The following NVL variants were observed in gnomAD, a reference collection of about 807,000 sequenced individuals.
The protein encoded by NVL is nuclear valosin-containing protein-like.
In NVL, 84 loss-of-function variants were observed where a neutral mutation model predicts 110.2. The observed-to-expected ratio is 0.76, with a 90% confidence interval of 0.64 to 0.91. NVL has a LOEUF of 0.91. Ranked by LOEUF, NVL falls within the 40% of genes least tolerant of loss-of-function variation. The pLI, the probability that NVL is intolerant of heterozygous loss-of-function variation, is 0.00. For synonymous variants in NVL, 354 were observed against 361.1 expected (o/e 0.98, Z 0.22); for missense variants, 882 against 1,035.9 (o/e 0.85, Z 2.04).
At chr1:224,293,746 A>T (rs1667599139) in intron 12 of NVL, among the ~76,000 whole-genome samples, 1 of 152,250 alleles carries the variant, frequency 6.6e-6, no homozygotes, top group Non-Finnish European at 1.5e-5. Flanking sequence ...GAGTATGGAT[A>T]CATAAGTCCA....
intron 2 of NVL, among the ~76,000 whole-genome samples, chr1:224,318,344 T>C (rs1317666267): frequency 1.3e-5 from 2 of 152,174 alleles, no homozygotes; most frequent in African/African-American, 4.8e-5. Flanking sequence ...GGCTCATGCC[T>C]GTAATCCCAG....
chr1:224,325,026 T>G (rs1281277661), intron 2 of NVL, among the ~76,000 whole-genome samples: 1 of 151,902 alleles, frequency 6.6e-6, no homozygotes, highest in African/African-American at 2.4e-5. Context: ...TTTGGGAGGC[T>G]GAGGTAGGCA....
chr1:224,281,277 C>CTGTGTG (rs774683945), intron 15 of NVL, 92 bp from the exon 16 acceptor site: 12,359 of 835,082 alleles, frequency 0.015, 164 homozygotes, highest in East Asian at 0.044. Flanking sequence ...TGAAAGGACT[C>CTGTGTG]TGTGTGCGTG....
At position 224,308,129 on chromosome 1, in the gene NVL, G is replaced by C. The variant is rs556339461; in HGVS notation, c.477C>G (p.Ser159=). The change falls in exon 6 of 23, where the codon TCC becomes TCG. Residue 159 remains serine, a synonymous_variant. Coordinates refer to ENST00000281701, the MANE Select transcript of NVL (RefSeq NM_002533.4). ...CTTTGGCAGGGGTCTTCAAGGGAAT[G>C]GAGCCTGTTTTGGAACTTATCCGTG... ...STPRISSKTG[S]IPLKTPAKDS... is the part of the protein sequence containing the mutation. 5.6e-6 allele frequency: 9 copies of C among 1,614,074 alleles called. No homozygotes were observed. The African/African-American group carries it at 8.0e-5, about 14-fold the overall frequency.
chr1:224,300,208 T>C (rs1241779812), intron 10 of NVL, among the ~76,000 whole-genome samples: 1 of 152,248 alleles, frequency 6.6e-6, no homozygotes, highest in Non-Finnish European at 1.5e-5. Flanking sequence ...TAACAATTTT[T>C]ACATTGCTTA....
At chr1:224,301,755 A>G (rs1228080796) in intron 9 of NVL, 1 of 237,566 alleles carries the variant, frequency 4.2e-6, no homozygotes, top group Non-Finnish European at 8.6e-6. Flanking sequence ...AGCTGTGATC[A>G]TGCCACTGCA....
intron 19 of NVL, among the ~76,000 whole-genome samples, chr1:224,243,849 A>T (rs963488669): frequency 2.6e-5 from 4 of 151,372 alleles, no homozygotes; most frequent in Non-Finnish European, 5.9e-5. Context: ...TTTAGTAGAG[A>T]CGGGATTTTG....
intron 9 of NVL, among the ~76,000 whole-genome samples, chr1:224,301,944 A>G (rs536364802): frequency 6.6e-6 from 1 of 152,040 alleles, no homozygotes; most frequent in Non-Finnish European, 1.5e-5. Context: ...ACCATTTTGC[A>G]CTTCTTCTTG....
chr1:224,277,307 A>T (rs1665869454), intron 16 of NVL, among the ~76,000 whole-genome samples: 1 of 152,232 alleles, frequency 6.6e-6, no homozygotes, highest in African/African-American at 2.4e-5. Context: ...TATAATAAAC[A>T]GTGTACAAAT....
At chr1:224,285,413 C>T (rs531565191) in intron 15 of NVL, among the ~76,000 whole-genome samples, 108 of 151,608 alleles carry the variant, frequency 7.1e-4, no homozygotes, top group African/African-American at 2.3e-3. Context: ...CCAGCCTGGG[C>T]GACAGAATGA....
intron 8 of NVL, among the ~76,000 whole-genome samples, chr1:224,304,356 C>T (rs1390841563): frequency 1.2e-4 from 18 of 151,954 alleles, no homozygotes; most frequent in African/African-American, 4.1e-4. Context: ...ACCTGGGAGG[C>T]GGAGGTTGCA....
rs1670234975 is a variant in NVL at position 224,317,762 on chromosome 1, A to C, written c.216T>G (p.Leu72=). The C allele has an allele frequency of 2.5e-6, 4 of 1,608,322 alleles. No individual in the cohort carries two copies. In the African/African-American group the frequency reaches 4.0e-5, roughly 16 times the overall value. Residue 72 remains leucine, a synonymous_variant, in exon 4 of 23, where the codon CTT becomes CTG. Transcript: ENST00000281701. ...CATCTTCTAATTCTGTTAAATTCTT[A>C]AGTTCCTTCTCACTACTAATTATGC... ...VFSIISSEKE[L]KNLTELEDEH... is the part of the protein sequence containing the mutation.
intron 8 of NVL, 52 bp from the exon 9 acceptor site, chr1:224,303,909 G>A (rs751295228): frequency 1.9e-6 from 3 of 1,541,160 alleles, no homozygotes; most frequent in Non-Finnish European, 2.6e-6. Flanking sequence ...AATCAAAGTA[G>A]AATGAAATGT....
chr1:224,311,428 G>A (rs534358577), intron 5 of NVL, among the ~76,000 whole-genome samples: 4 of 151,726 alleles, frequency 2.6e-5, no homozygotes, highest in African/African-American at 4.8e-5. Context: ...GTGCAATCAC[G>A]GCTCACTGCA....
intron 6 of NVL, among the ~76,000 whole-genome samples, chr1:224,305,766 C>A (rs770174596): frequency 9.2e-5 from 14 of 152,242 alleles, no homozygotes; most frequent in Non-Finnish European, 2.1e-4. Context: ...TGGTATCGAA[C>A]TCCTGACCTC....
chr1:224,239,369 T>C (rs1660898950), intron 19 of NVL, among the ~76,000 whole-genome samples: 1 of 152,110 alleles, frequency 6.6e-6, no homozygotes, highest in Non-Finnish European at 1.5e-5. Context: ...TTGTGCTATA[T>C]TTGAGAGGGG....
intron 2 of NVL, among the ~76,000 whole-genome samples, chr1:224,325,238 G>T (rs917217145): frequency 1.6e-4 from 24 of 151,562 alleles, no homozygotes; most frequent in Non-Finnish European, 3.1e-4. Context: ...CTCCAGCCTG[G>T]GCGACAGAGC....
chr1:224,306,236 T>C (rs1342043897), intron 6 of NVL, among the ~76,000 whole-genome samples: 2 of 152,236 alleles, frequency 1.3e-5, no homozygotes, highest in African/African-American at 2.4e-5. Context: ...CACTCTAGCC[T>C]GGGTGATGTA....
chr1:224,237,422 G>A (rs1330122976), intron 19 of NVL, among the ~76,000 whole-genome samples: 1 of 152,140 alleles, frequency 6.6e-6, no homozygotes, highest in Non-Finnish European at 1.5e-5. Context: ...AGACACATTA[G>A]CAATGACAAG....
Sources: gnomAD v4.1 joint callset for allele counts (sites outside exome capture counted in the v4.1 genomes callset) on GRCh38, gnomAD v4.1.1 for gene constraint, MANE v1.5 for transcripts, NCBI Gene and HGNC (gene_info 2026-07-23, HGNC 2026-07-21) for gene names.